The following OLFML2A variants were observed in gnomAD, a reference collection of about 807,000 sequenced individuals.
OLFML2A encodes olfactomedin like 2A.
OLFML2A carries 47 observed loss-of-function variants against 60.9 expected under a neutral mutation model. That is an observed-to-expected ratio of 0.77 (90% CI 0.61 to 0.98). The LOEUF is 0.98. OLFML2A is among the 50% of genes least tolerant of loss of function. The probability of loss-of-function intolerance (pLI) is 0.00; values close to 1 mark genes in which losing one functional copy is unlikely to be tolerated. For synonymous variants in OLFML2A, 372 were observed against 375.0 expected, an observed-to-expected ratio of 0.99 and a Z score of 0.09; for missense variants, 922 against 879.8, an observed-to-expected ratio of 1.05 and a Z score of -0.61.
At chr9:124,807,294 C>CTCTTTTT (rs1841914560) in intron 6 of OLFML2A, among the ~76,000 whole-genome samples, 1 of 136,162 alleles carries the variant, frequency 7.3e-6, no homozygotes, top group African/African-American at 2.8e-5. Context: ...TCTCCATTCT[C>CTCTTTTT]TTTTTTTTTT....
At position 124,787,030 on chromosome 9, in the gene OLFML2A, G is replaced by C; in HGVS notation, c.146G>C (p.Cys49Ser). The C allele has an allele frequency of 1.2e-6, 2 of 1,613,988 alleles. No homozygotes were observed. The highest frequency in any genetic ancestry group is 1.7e-6 in the Non-Finnish European group (2 of 1,179,996). ...ACCTCGGAGGGCTCCGACTGCCGTTGCAAGTGCATCATGCGGCCCCTGAGC... is the reference window on the plus strand; with the variant it reads ...ACCTCGGAGGGCTCCGACTGCCGTTCCAAGTGCATCATGCGGCCCCTGAGC... Reference protein sequence around the residue: ...RMTSEGSDCRCKCIMRPLSKD... With the variant: ...RMTSEGSDCRSKCIMRPLSKD... Residue 49 changes from cysteine (C) to serine (S), a missense_variant, in exon 2 of 8, where the codon TGC becomes TCC. By Grantham distance (112) the Cys-to-Ser change is moderately radical (BLOSUM62 -1). Coordinates refer to ENST00000373580, the MANE Select transcript of OLFML2A (RefSeq NM_182487.4).
intron 3 of OLFML2A, among the ~76,000 whole-genome samples, chr9:124,796,936 T>C (rs2131264057): frequency 6.6e-6 from 1 of 152,340 alleles, no homozygotes; most frequent in Non-Finnish European, 1.5e-5. Context: ...CAAATGTCAA[T>C]AGTGATGAGG....
At chr9:124,800,677 G>A (rs139549192) in intron 4 of OLFML2A, among the ~76,000 whole-genome samples, 185 of 152,342 alleles carry the variant, frequency 1.2e-3, no homozygotes, top group African/African-American at 4.0e-3. Context: ...GCTCATTCCC[G>A]TGCCAATTCC....
At chr9:124,792,939 C>T (rs1378082908) in intron 2 of OLFML2A, among the ~76,000 whole-genome samples, 1 of 152,196 alleles carries the variant, frequency 6.6e-6, no homozygotes, top group African/African-American at 2.4e-5. Flanking sequence ...GGGCCAAAGC[C>T]AGGTTGTGGG....
At chr9:124,802,232 GAC>G (rs1841791847) in intron 5 of OLFML2A, among the ~76,000 whole-genome samples, 1 of 152,188 alleles carries the variant, frequency 6.6e-6, no homozygotes, top group South Asian at 2.1e-4. Flanking sequence ...GCAAACAAGA[GAC>G]ACACGTTTCA....
chr9:124,784,331 G>A (rs888431327), intron 1 of OLFML2A, among the ~76,000 whole-genome samples: 2 of 151,956 alleles, frequency 1.3e-5, no homozygotes, highest in African/African-American at 4.8e-5. Flanking sequence ...AGCCTCCCGA[G>A]TAGCTGAGAT....
Position 124,805,932 on chromosome 9 carries a change from C to T in OLFML2A, c.1168+1590C>T, listed in dbSNP as rs1337223056. 2.0e-5 allele frequency among the ~76,000 whole-genome samples: 3 copies of T among 148,416 alleles called. No homozygotes were observed. In the East Asian group the frequency reaches 6.2e-4, roughly 31 times the overall value. The stretch of plus-strand genomic sequence containing the variant: ...CTGAGCTCAAGAGATTCTCCTGCCT[C>T]AGCCTCCCAAGCAGATGGGATTTCA... On this transcript the variant is annotated intron_variant, in intron 6 of 7. Coordinates refer to ENST00000373580, the MANE Select transcript of OLFML2A (RefSeq NM_182487.4).
intron 7 of OLFML2A, 61 bp downstream of exon 7, chr9:124,808,027 A>C (rs1344770890): frequency 3.0e-6 from 4 of 1,326,646 alleles, no homozygotes; most frequent in Non-Finnish European, 4.3e-6. Flanking sequence ...AGGGGTCCTC[A>C]TGGGGACTTG....
Position 124,779,187 on chromosome 9 carries a change from C to T in OLFML2A, c.90+1827C>T, listed in dbSNP as rs749633162. 2.6e-5 allele frequency among the ~76,000 whole-genome samples: 4 copies of T among 152,208 alleles called. No homozygotes were observed. Among genetic ancestry groups the T allele is most frequent in the Non-Finnish European group, 4.4e-5 (3 of 68,038 alleles). Reference sequence around the variant, plus strand: ...TTTAAAACCCTAGGTTCTGGCCTTCCTCTGCTATTCTTCTGCTGTGTGACC... The same window carrying T: ...TTTAAAACCCTAGGTTCTGGCCTTCTTCTGCTATTCTTCTGCTGTGTGACC... On this transcript the variant is annotated intron_variant, in intron 1 of 7. Transcript: ENST00000373580. The surrounding 1 kb of genome is among the most constrained non-coding windows in gnomAD (Gnocchi z 4.1).
intron 1 of OLFML2A, among the ~76,000 whole-genome samples, chr9:124,785,517 CCT>C (rs1198459655): frequency 6.6e-6 from 1 of 151,394 alleles, no homozygotes; most frequent in South Asian, 2.1e-4. Context: ...CCTGCCTCAG[CCT>C]CCCGAGTAGC....
In OLFML2A at chr9:124,812,974, C is replaced by T. The variant is rs1056429231; in HGVS notation, c.*2562C>T. 1 of 151,756 alleles carries T rather than the reference C, an allele frequency of 6.6e-6. No homozygotes were observed. Among genetic ancestry groups the T allele is most frequent in the African/African-American group, 2.4e-5 (1 of 41,236 alleles). 9.4% of individuals were successfully genotyped at this position (151,756 alleles called of 1,614,324 possible). On this transcript the variant is annotated 3_prime_UTR_variant, in exon 8 of 8. Transcript: ENST00000373580. Reference sequence around the variant, plus strand: ...TTCTTTTCTTTTCTTTTTTTTGAGACAGAGTTTCGCTTTTGTTGCCCGGGC... The same window carrying T: ...TTCTTTTCTTTTCTTTTTTTTGAGATAGAGTTTCGCTTTTGTTGCCCGGGC...
Position 124,804,297 on chromosome 9 carries a change from C to A in OLFML2A, c.1123C>A (p.Leu375Ile). 6.7e-7 allele frequency: 1 copy of A among 1,495,472 alleles called. No individual in the cohort carries two copies. The highest frequency in any genetic ancestry group is 9.1e-7 in the Non-Finnish European group (1 of 1,101,562). 92.6% of individuals were successfully genotyped at this position (1,495,472 alleles called of 1,614,324 possible). Residue 375 changes from leucine (L) to isoleucine (I), a missense_variant, in exon 6 of 8, where the codon CTC (leucine) becomes ATC (isoleucine). Leu to Ile is a conservative substitution (Grantham distance 5). Transcript: ENST00000373580. ...CACCACCCCAACCCCCACCACCAGT[C>A]TCCTGCCCACCGAGCCACCTTCAGG... ...ATTTPTPTTS[L>I]LPTEPPSGPE...
At chr9:124,793,486 A>G (rs1333324979) in intron 2 of OLFML2A, among the ~76,000 whole-genome samples, 1 of 152,184 alleles carries the variant, frequency 6.6e-6, no homozygotes, top group Non-Finnish European at 1.5e-5. Context: ...GCATGATAGG[A>G]AAGAGACGGT....
intron 4 of OLFML2A, among the ~76,000 whole-genome samples, 187 bp downstream of exon 4, chr9:124,799,678 G>C (rs750169): frequency 0.012 from 1,779 of 152,342 alleles, 34 homozygotes; most frequent in African/African-American, 0.041. Context: ...AGCAAGCACA[G>C]TCAGCACAGG....
chr9:124,803,619 T>A (rs1220415831), intron 5 of OLFML2A, among the ~76,000 whole-genome samples: 1 of 152,224 alleles, frequency 6.6e-6, no homozygotes, highest in Non-Finnish European at 1.5e-5. Context: ...AGCTGCATTT[T>A]CCATGGCAGA....
intron 2 of OLFML2A, among the ~76,000 whole-genome samples, chr9:124,791,902 A>C (rs1775722114): frequency 6.6e-6 from 1 of 152,230 alleles, no homozygotes; most frequent in Non-Finnish European, 1.5e-5. Flanking sequence ...ACTGTATCAC[A>C]GGCTGCTATT....
chr9:124,796,287 T>A (rs907053241), intron 3 of OLFML2A, among the ~76,000 whole-genome samples: 10 of 152,246 alleles, frequency 6.6e-5, no homozygotes, highest in Non-Finnish European at 1.5e-4. Flanking sequence ...TGACACTTGG[T>A]GAATTTCTTC....
At position 124,777,256 on chromosome 9, in the gene OLFML2A, C is replaced by A. The variant is rs1265060879; in HGVS notation, c.-15C>A. On this transcript the variant is annotated 5_prime_UTR_variant, in exon 1 of 8. Coordinates refer to ENST00000373580, the MANE Select transcript of OLFML2A (RefSeq NM_182487.4). This position sits in a 1 kb window ranked among gnomAD's most constrained non-coding sequence, Gnocchi z 6.2. ...TCCGTGCCCGGCCGCCTGTGCCTAC[C>A]GTGCCCGTGGCGCCATGGCCGCTGC... 9.3e-6 allele frequency: 10 copies of A among 1,077,722 alleles called. No homozygotes were observed. The highest frequency in any genetic ancestry group is 3.8e-5 in the South Asian group (1 of 26,504). The allele number at this position is 1,077,722 out of a possible 1,614,324, so 66.8% of individuals were successfully genotyped here.
Position 124,777,484 on chromosome 9 carries a change from G to T in OLFML2A, c.90+124G>T. ...CGGAGGAGCCGGGAGCTGAGAGACC[G>T]AACCTGGGACTTCTCAGCACTGAAG... On this transcript the variant is annotated intron_variant, in intron 1 of 7. Transcript: ENST00000373580. This position sits in a 1 kb window ranked among gnomAD's most constrained non-coding sequence, Gnocchi z 6.2. 4.9e-6 allele frequency: 5 copies of T among 1,027,918 alleles called. No homozygotes were observed. The highest frequency in any genetic ancestry group is 3.7e-6 in the Non-Finnish European group (3 of 809,562). 63.7% of individuals were successfully genotyped at this position (1,027,918 alleles called of 1,614,324 possible). A position where few individuals can be genotyped will look rare whatever the true frequency, so the allele number is the denominator to read the frequency against.
Sources: allele counts gnomAD v4.1 joint callset (sites outside exome capture counted in the v4.1 genomes callset), GRCh38; gene constraint gnomAD v4.1.1; non-coding constraint Gnocchi (gnomAD v3.1); transcripts MANE v1.5; gene names NCBI Gene and HGNC (gene_info 2026-07-23, HGNC 2026-07-21).